The following DNAH3 variants were observed in gnomAD, a reference collection of about 807,000 sequenced individuals.
DNAH3 encodes dynein axonemal heavy chain 3.
Under a neutral mutation model 432.5 loss-of-function variants are expected in DNAH3, and 332 were observed. The observed-to-expected ratio is 0.77, with a 90% CI of 0.70 to 0.84. DNAH3 has a LOEUF of 0.84. Ranked by LOEUF, DNAH3 falls within the 40% of genes least tolerant of loss-of-function variation. DNAH3 has a pLI of 0.00. For synonymous variants in DNAH3, 1,956 were observed against 1,900.2 expected (o/e 1.03, Z -0.76); for missense variants, 4,861 against 5,114.0 (o/e 0.95, Z 1.51).
intron 35 of DNAH3, among the ~76,000 whole-genome samples, chr16:21,035,430 C>A (rs2089120746): frequency 6.6e-6 from 1 of 152,116 alleles, no homozygotes; most frequent in African/African-American, 2.4e-5. Flanking sequence ...GCTCCAGAAC[C>A]CTTGTTTTTG....
In DNAH3 at chr16:21,127,928, A is replaced by G. The variant is rs1438330142; in HGVS notation, c.1083-116T>C. On this transcript the variant is annotated intron_variant, in intron 7 of 61. Transcript: ENST00000261383. ...CTCAATGAAAGTTAAGCAGAATCAA[A>G]TGAATTACAGGATATGGGAAAGATG... 35 of 1,261,892 alleles carry G rather than the reference A, an allele frequency of 2.8e-5. 1 individual carries two copies. Among genetic ancestry groups the G allele is most frequent in the Non-Finnish European group, 3.8e-5 (34 of 891,302 alleles). 78.2% of individuals were successfully genotyped at this position (1,261,892 alleles called of 1,614,324 possible). A position where few individuals can be genotyped will look rare whatever the true frequency, so the allele number is the denominator to read the frequency against.
rs992253995 is a variant in DNAH3, at chr16:21,098,518, A to G, written c.2520+98T>C. ...GCCAATGAGTTAACCAATACTATCC[A>G]CCTAGTAGATGCTATTAGGAAATAG... On this transcript the variant is annotated intron_variant, in intron 17 of 61. Transcript: ENST00000261383. The G allele has an allele frequency of 2.0e-5, 25 of 1,222,174 alleles. No homozygotes were observed. In the African/African-American group the frequency reaches 3.8e-4, roughly 19 times the overall value. 75.7% of individuals were successfully genotyped at this position (1,222,174 alleles called of 1,614,324 possible).
Position 21,127,828 on chromosome 16 carries a change from G to C in DNAH3, c.1083-16C>G. 1 of 1,613,676 alleles carries C rather than the reference G, an allele frequency of 6.2e-7. No individual in the cohort carries two copies. On this transcript the variant is annotated splice_polypyrimidine_tract_variant and intron_variant, in intron 7 of 61. Coordinates refer to ENST00000261383, the Ensembl canonical transcript of DNAH3. The stretch of plus-strand genomic sequence containing the variant: ...GTCTCTGAATCTGCCAAAAGAGAGG[G>C]AGAAATTTCCTAAGCTAAAGAACGC...
At chr16:21,000,391 T>C (rs1489999302) in exon 43 of DNAH3, 1 of 1,614,014 alleles carries the variant, frequency 6.2e-7, no homozygotes, top group African/African-American at 1.3e-5. Context: ...AAGGAAGTTG[T>C]TGGTGATGGC....
chr16:20,979,660 G>C (rs1456377584), intron 49 of DNAH3, 114 bp from the exon 50 acceptor site: 13 of 905,998 alleles, frequency 1.4e-5, no homozygotes, highest in Admixed American at 2.1e-5. Context: ...ACTGTGACAC[G>C]TTAGAATCCA....
chr16:21,047,651 C>T (rs1232754078), intron 31 of DNAH3, among the ~76,000 whole-genome samples: 1 of 151,858 alleles, frequency 6.6e-6, no homozygotes, highest in Non-Finnish European at 1.5e-5. Flanking sequence ...GTAATTTGAT[C>T]GTCTGAAGCC....
In DNAH3 at chr16:21,109,844, T is replaced by C. The variant is rs376897642; in HGVS notation, c.2099+1782A>G. Reference sequence around the variant, plus strand: ...GCCTCGACTTCTGGGGCTCAAGTGATCCTCTCGCCTCAGCCTCTTGAGTAG... The same window carrying C: ...GCCTCGACTTCTGGGGCTCAAGTGACCCTCTCGCCTCAGCCTCTTGAGTAG... On this transcript the variant is annotated intron_variant, in intron 14 of 61. Transcript: ENST00000261383. Among the ~76,000 whole-genome samples the C allele has an allele frequency of 1.3e-4, 20 of 152,138 alleles. 1 individual carries two copies. In the South Asian group the frequency reaches 4.0e-3, roughly 30 times the overall value.
At chr16:21,027,212 G>T in intron 37 of DNAH3, 85 bp from the exon 38 acceptor site, 3 of 947,664 alleles carry the variant, frequency 3.2e-6, no homozygotes, top group Non-Finnish European at 5.1e-6. Flanking sequence ...AGACAAAGCT[G>T]GTTTGATTCA....
chr16:20,972,434 A>G (rs2085385312), intron 51 of DNAH3, among the ~76,000 whole-genome samples: 1 of 151,726 alleles, frequency 6.6e-6, no homozygotes, highest in African/African-American at 2.4e-5. Flanking sequence ...AGTTTTCACT[A>G]TTGTTACCTG....
chr16:20,997,612 AC>A, intron 43 of DNAH3, 150 bp from the exon 44 acceptor site: 1 of 863,506 alleles, frequency 1.2e-6, no homozygotes, highest in Non-Finnish European at 1.8e-6. Context: ...GGATGCCCTG[AC>A]CAGATTGGAA....
chr16:20,942,234 A>G (rs779757428), intron 58 of DNAH3, among the ~76,000 whole-genome samples: 8 of 152,246 alleles, frequency 5.3e-5, no homozygotes, highest in Non-Finnish European at 8.8e-5. Context: ...CCTGAGGATT[A>G]GCTCCTGGTG....
At chr16:21,147,842 T>C (rs1400454972) in intron 1 of DNAH3, among the ~76,000 whole-genome samples, 1 of 152,212 alleles carries the variant, frequency 6.6e-6, no homozygotes, top group Non-Finnish European at 1.5e-5. Context: ...ACTTAGCCCC[T>C]ATATGCAAAA....
chr16:20,985,607 T>C (rs762262994), exon 48 of DNAH3: 2 of 1,614,102 alleles, frequency 1.2e-6, no homozygotes, highest in Non-Finnish European at 1.7e-6. Context: ...AGGTCAGTGA[T>C]CTCATCGTAG....
At chr16:21,150,626 G>GA in intron 1 of DNAH3, 92 bp from the exon 2 acceptor site, 1 of 188,326 alleles carries the variant, frequency 5.3e-6, no homozygotes, top group Non-Finnish European at 1.1e-5. Flanking sequence ...GTCCCCCAGC[G>GA]GTGGCCACGC....
At chr16:21,033,638 C>G (rs77052546) in intron 36 of DNAH3, among the ~76,000 whole-genome samples, 2 of 152,100 alleles carry the variant, frequency 1.3e-5, no homozygotes, top group Non-Finnish European at 2.9e-5. Context: ...AGCAAAGAAG[C>G]AAAACCATGC....
intron 52 of DNAH3, among the ~76,000 whole-genome samples, chr16:20,966,464 C>T (rs2085068755): frequency 6.6e-6 from 1 of 152,090 alleles, no homozygotes; most frequent in Non-Finnish European, 1.5e-5. Context: ...AAGAGAGGCC[C>T]CCCTCCCCGC....
chr16:20,981,690 A>G (rs1359594803), intron 49 of DNAH3, among the ~76,000 whole-genome samples: 4 of 152,092 alleles, frequency 2.6e-5, no homozygotes, highest in Non-Finnish European at 4.4e-5. Context: ...GCACCACTGC[A>G]CTCCAACCTG....
chr16:20,945,496 C>CT (rs71377698), intron 57 of DNAH3, among the ~76,000 whole-genome samples: 14,608 of 144,532 alleles, frequency 0.1, 781 homozygotes, highest in East Asian at 0.22. Flanking sequence ...TATTCCTTTA[C>CT]TTTTTTTTTT....
At chr16:21,084,272 A>C (rs1199387964) in intron 19 of DNAH3, among the ~76,000 whole-genome samples, 1 of 152,030 alleles carries the variant, frequency 6.6e-6, no homozygotes, top group Non-Finnish European at 1.5e-5. Context: ...TACTCAGTAC[A>C]TTTTCAATAT....
Sources: allele counts gnomAD v4.1 joint callset (sites outside exome capture counted in the v4.1 genomes callset), GRCh38; gene constraint gnomAD v4.1.1; transcripts MANE v1.5; gene names NCBI Gene and HGNC (gene_info 2026-07-23, HGNC 2026-07-21).